The following CECR2 variants were observed in gnomAD, a reference collection of about 807,000 sequenced individuals.
CECR2 encodes the protein chromatin remodeling regulator CECR2.
Under a neutral mutation model 154.5 loss-of-function variants are expected in CECR2, and 30 were observed. The ratio of observed to expected loss-of-function variants is 0.19; its 90% CI spans 0.15 to 0.26. The LOEUF (loss-of-function observed/expected upper bound fraction) is 0.26. Among genes scored for constraint, CECR2 ranks in the 10% least tolerant of loss-of-function variants. CECR2 has a pLI of 1.00. For missense variants in CECR2, 1,743 were observed against 1,829.3 expected, an observed-to-expected ratio of 0.95 and a Z score of 0.86; for synonymous variants, 725 against 683.7, an observed-to-expected ratio of 1.06 and a Z score of -0.94.
At chr22:17,532,400 G>A (rs1446265867) in intron 9 of CECR2, among the ~76,000 whole-genome samples, 3 of 152,108 alleles carry the variant, frequency 2.0e-5, no homozygotes, top group Non-Finnish European at 2.9e-5. Context: ...CCTTCCTGGG[G>A]TTTTCTGCAA....
At position 17,552,113 on chromosome 22, in the gene CECR2, C is replaced by T. The variant is rs1341077800; in HGVS notation, c.4360C>T (p.His1454Tyr). The T allele has an allele frequency of 6.2e-7, 1 of 1,613,842 alleles. No homozygotes were observed. The highest frequency in any genetic ancestry group is 8.5e-7 in the Non-Finnish European group (1 of 1,179,876). Residue 1454 changes from histidine (H) to tyrosine (Y), a missense_variant, in exon 18 of 19, where the codon CAT (histidine) becomes TAT (tyrosine). Transcript: ENST00000262608. ...AATSQEEVPPHKPPTLPLDQS is the reference protein window; with the variant it reads ...AATSQEEVPPYKPPTLPLDQS Reference sequence around the variant, plus strand: ...AACATCACAGGAGGAGGTGCCGCCTCATAAGCCTCCAACACTTCCCCTGGA... The same window carrying T: ...AACATCACAGGAGGAGGTGCCGCCTTATAAGCCTCCAACACTTCCCCTGGA...
rs557821793 is a variant in CECR2 at position 17,441,786 on chromosome 22, G to A, written c.127-35802G>A. Among the ~76,000 whole-genome samples the A allele has an allele frequency of 6.6e-5, 10 of 152,282 alleles. No homozygotes were observed. The South Asian group carries it at 1.9e-3, about 28-fold the overall frequency. ...AGATTAAGAAAGATGATAAATAATT[G>A]TTTGGCTAAAGTCCTTTATGAAACA... On this transcript the variant is annotated intron_variant, in intron 1 of 18. Coordinates refer to ENST00000262608, the MANE Select transcript of CECR2 (RefSeq NM_001290047.2).
chr22:17,488,852 T>C (rs969090018), intron 2 of CECR2, among the ~76,000 whole-genome samples: 9 of 152,224 alleles, frequency 5.9e-5, no homozygotes, highest in African/African-American at 1.9e-4. Flanking sequence ...TATGTTTGAC[T>C]TAAACTGTGA....
intron 9 of CECR2, among the ~76,000 whole-genome samples, chr22:17,531,668 A>T (rs1385868904): frequency 6.6e-6 from 1 of 152,224 alleles, no homozygotes. Context: ...ATGATTGAGT[A>T]GTTTTTTGGT....
intron 1 of CECR2, among the ~76,000 whole-genome samples, chr22:17,426,442 C>T (rs1248594744): frequency 6.6e-6 from 1 of 152,140 alleles, no homozygotes; most frequent in East Asian, 1.9e-4. Flanking sequence ...CTGCAACCTC[C>T]GCCTCCCAAG....
upstream of CECR2, among the ~76,000 whole-genome samples, chr22:17,368,497 A>AT (rs145524017): frequency 2.6e-5 from 4 of 151,896 alleles, no homozygotes; most frequent in East Asian, 1.9e-4. Flanking sequence ...TTCTGGGGTG[A>AT]TTTTTTTTCT....
Position 17,549,249 on chromosome 22 carries a change from C to A in CECR2, c.3962C>A (p.Thr1321Asn). Residue 1321 changes from threonine to asparagine, a missense_variant, in exon 17 of 19, where the codon ACT becomes AAT. Thr to Asn is a moderately conservative substitution (Grantham distance 65). This residue lies in a region of CECR2 where 1,250 missense variants were observed against 1,192.1 expected (regional missense o/e 1.05). Coordinates refer to ENST00000262608, the MANE Select transcript of CECR2 (RefSeq NM_001290047.2). ...TCAGCCAGCGAGTATCTCTATGGAA[C>A]TCCTCCGCCTCTGAGTTCAGGAATG... is the stretch of plus-strand genomic sequence containing the variant. Reference protein sequence around the residue: ...SLSASEYLYGTPPPLSSGMGF... With the variant: ...SLSASEYLYGNPPPLSSGMGF... 6.2e-7 allele frequency: 1 copy of A among 1,614,028 alleles called. No individual in the cohort carries two copies. The highest frequency in any genetic ancestry group is 8.5e-7 in the Non-Finnish European group (1 of 1,179,908).
chr22:17,372,895 G>A (rs2063076904), intron 1 of CECR2, among the ~76,000 whole-genome samples: 1 of 152,068 alleles, frequency 6.6e-6, no homozygotes, highest in Non-Finnish European at 1.5e-5. Flanking sequence ...GAAAATTGAG[G>A]AAGCAGAGTC....
intron 1 of CECR2, among the ~76,000 whole-genome samples, chr22:17,475,189 A>G (rs901509995): frequency 1.3e-5 from 2 of 152,226 alleles, no homozygotes; most frequent in African/African-American, 4.8e-5. Flanking sequence ...ACTGCAGTAC[A>G]GTTCAGCAGA....
intron 1 of CECR2, among the ~76,000 whole-genome samples, chr22:17,403,716 TCTG>T (rs1325689866): frequency 6.6e-6 from 1 of 152,196 alleles, no homozygotes; most frequent in African/African-American, 2.4e-5. Context: ...GTTAAGGTAT[TCTG>T]CTCATTTTAA....
At chr22:17,469,989 A>G (rs1201706548) in intron 1 of CECR2, among the ~76,000 whole-genome samples, 1 of 152,198 alleles carries the variant, frequency 6.6e-6, no homozygotes, top group East Asian at 1.9e-4. Context: ...AGCACATAAC[A>G]GAGCCTGGCA....
At chr22:17,538,820 T>C (rs2300686) in intron 12 of CECR2, 89 bp downstream of exon 12, 212,087 of 1,292,206 alleles carry the variant, frequency 0.16, 19,913 homozygotes, top group East Asian at 0.43. Flanking sequence ...ATATATATAT[T>C]TTGATACGTT....
chr22:17,452,543 C>T (rs1293799873), intron 1 of CECR2, among the ~76,000 whole-genome samples: 5 of 151,820 alleles, frequency 3.3e-5, no homozygotes, highest in African/African-American at 4.8e-5. Context: ...TGGGATATGG[C>T]GTGAGAGAGA....
intron 13 of CECR2, among the ~76,000 whole-genome samples, chr22:17,539,901 A>G (rs2056495177): frequency 6.6e-6 from 1 of 152,140 alleles, no homozygotes; most frequent in Non-Finnish European, 1.5e-5. Context: ...TAGGGCAAAC[A>G]TGGCTCACTG....
intron 1 of CECR2, among the ~76,000 whole-genome samples, chr22:17,386,414 G>GT (rs920559369): frequency 6.6e-6 from 1 of 152,136 alleles, no homozygotes; most frequent in African/African-American, 2.4e-5. Flanking sequence ...ACAAGAAGAA[G>GT]TTAAATTAAT....
intron 2 of CECR2, 46 bp from the exon 3 acceptor site, chr22:17,497,357 C>T (rs751212399): frequency 2.6e-6 from 4 of 1,535,404 alleles, no homozygotes; most frequent in Non-Finnish European, 3.5e-6. Flanking sequence ...CCCAACCAAC[C>T]TATATTTTAT....
At chr22:17,521,341 C>T (rs1385840956) in intron 8 of CECR2, among the ~76,000 whole-genome samples, 2 of 152,098 alleles carry the variant, frequency 1.3e-5, no homozygotes, top group Admixed American at 6.5e-5. Flanking sequence ...GAGATCGAGA[C>T]CATCCTGGCT....
At chr22:17,422,372 T>G (rs961503101) in intron 1 of CECR2, among the ~76,000 whole-genome samples, 6 of 152,142 alleles carry the variant, frequency 3.9e-5, no homozygotes, top group Admixed American at 1.3e-4. Context: ...TAATTTTTTG[T>G]ACTTGTAGTA....
chr22:17,491,997 T>G (rs2055541638), intron 2 of CECR2, among the ~76,000 whole-genome samples: 1 of 152,230 alleles, frequency 6.6e-6, no homozygotes, highest in Admixed American at 6.5e-5. Flanking sequence ...GAACTGTTAT[T>G]TTAATTATTT....
Sources: allele counts gnomAD v4.1 joint callset (sites outside exome capture counted in the v4.1 genomes callset), GRCh38; gene constraint gnomAD v4.1.1; regional missense constraint gnomAD v4.1.1; transcripts MANE v1.5; gene names NCBI Gene and HGNC (gene_info 2026-07-23, HGNC 2026-07-21).